PASD1: variants seen among roughly 807,000 people sequenced by gnomAD.
PASD1 encodes PAS domain containing repressor 1.
PASD1 carries 13 observed loss-of-function variants against 58.8 expected under a neutral mutation model. The ratio of observed to expected loss-of-function variants is 0.22; its 90% CI spans 0.14 to 0.35. The LOEUF (loss-of-function observed/expected upper bound fraction) is 0.35. Ranked by LOEUF, PASD1 falls within the 10% of genes least tolerant of loss-of-function variation. The pLI is 1.00. For missense variants in PASD1, 734 were observed against 568.3 expected, an observed-to-expected ratio of 1.29 and a Z score of -2.96; for synonymous variants, 236 against 216.7, an observed-to-expected ratio of 1.09 and a Z score of -0.78.
At chrX:151,624,213 G>A (rs2013755250) in intron 7 of PASD1, among the ~76,000 whole-genome samples, 1 of 111,297 alleles carries the variant, frequency 9.0e-6, no homozygotes, top group Non-Finnish European at 1.9e-5. Flanking sequence ...CCTTGCTGAT[G>A]AGTTAGAAGT....
In PASD1 at chrX:151,603,214, C is replaced by T. The variant is rs150497235; in HGVS notation, c.29-1432C>T. Among the ~76,000 whole-genome samples, 344 of 112,332 alleles carry T rather than the reference C, an allele frequency of 3.1e-3. 1 individual carries two copies. Among genetic ancestry groups the T allele is most frequent in the African/African-American group, 0.011 (328 of 30,931 alleles). On this transcript the variant is annotated intron_variant, in intron 2 of 15. Coordinates refer to ENST00000370357, the MANE Select transcript of PASD1 (RefSeq NM_173493.3). ...TAAACCTGTAAAGCAGAATATGACC[C>T]ATAGCAGGAGCTCTGTAAACATTCG...
At chrX:151,615,882 A>G (rs1300995246) in intron 4 of PASD1, among the ~76,000 whole-genome samples, 2 of 112,548 alleles carry the variant, frequency 1.8e-5, no homozygotes, top group Non-Finnish European at 3.8e-5. Flanking sequence ...ATGAATTAGT[A>G]TAAATAACGT....
intron 11 of PASD1, among the ~76,000 whole-genome samples, chrX:151,667,310 A>T (rs1456857873): frequency 9.0e-6 from 1 of 111,041 alleles, no homozygotes; most frequent in Non-Finnish European, 1.9e-5. Flanking sequence ...GATTGCAAAA[A>T]TTTTCTCCCA....
At chrX:151,651,467 G>T (rs1871854417) in intron 9 of PASD1, among the ~76,000 whole-genome samples, 1 of 111,817 alleles carries the variant, frequency 8.9e-6, no homozygotes, top group Admixed American at 9.5e-5. Flanking sequence ...CTGTCTTTGA[G>T]CATGAACCAA....
At chrX:151,567,685 T>C (rs2012867248) in intron 1 of PASD1, among the ~76,000 whole-genome samples, 2 of 111,924 alleles carry the variant, frequency 1.8e-5, no homozygotes, top group Admixed American at 9.5e-5. Context: ...AGTCAGTCTC[T>C]TAAAAGACGA....
intron 8 of PASD1, among the ~76,000 whole-genome samples, chrX:151,637,723 C>G (rs1289940180): frequency 9.0e-6 from 1 of 111,444 alleles, no homozygotes; most frequent in Non-Finnish European, 1.9e-5. Flanking sequence ...TGTCATTTTT[C>G]AAAATTTTAG....
intron 1 of PASD1, among the ~76,000 whole-genome samples, chrX:151,586,827 C>T (rs1046694584): frequency 9.0e-6 from 1 of 111,697 alleles, no homozygotes; most frequent in Non-Finnish European, 1.9e-5. Flanking sequence ...TGATTACTCT[C>T]TTGCCCCTTG....
At chrX:151,659,589 G>T in intron 9 of PASD1, 124 bp from the exon 10 acceptor site, 1 of 670,635 alleles carries the variant, frequency 1.5e-6, no homozygotes, top group Non-Finnish European at 2.2e-6. Flanking sequence ...TAGGTTTTCA[G>T]TTGATTGCAG....
chrX:151,663,747 CCA>C (rs2014338602), intron 10 of PASD1, among the ~76,000 whole-genome samples: 1 of 112,030 alleles, frequency 8.9e-6, no homozygotes, highest in African/African-American at 3.2e-5. Flanking sequence ...TCCCGAGGTC[CCA>C]CATTCTGGGC....
intron 4 of PASD1, among the ~76,000 whole-genome samples, chrX:151,616,921 C>G (rs1175963482): frequency 9.0e-6 from 1 of 111,247 alleles, no homozygotes; most frequent in Non-Finnish European, 1.9e-5. Flanking sequence ...GTGCCCTATA[C>G]AGTTGAATAG....
At chrX:151,625,100 T>C (rs1184663829) in intron 7 of PASD1, among the ~76,000 whole-genome samples, 1 of 112,295 alleles carries the variant, frequency 8.9e-6, no homozygotes, top group African/African-American at 3.2e-5. Context: ...AGGATGTTTG[T>C]TCCATATTAG....
chrX:151,594,505 A>T (rs1451019475), intron 1 of PASD1, among the ~76,000 whole-genome samples: 1 of 111,639 alleles, frequency 9.0e-6, no homozygotes, highest in Non-Finnish European at 1.9e-5. Flanking sequence ...AATTTATTAC[A>T]GTCTGCCATG....
At chrX:151,653,296 G>T (rs1445122311) in intron 9 of PASD1, among the ~76,000 whole-genome samples, 1 of 108,791 alleles carries the variant, frequency 9.2e-6, no homozygotes, top group Non-Finnish European at 1.9e-5. Flanking sequence ...AGGTTCAAGC[G>T]ATTCTCCAGC....
At chrX:151,641,842 G>A (rs769882657) in intron 8 of PASD1, among the ~76,000 whole-genome samples, 132 of 104,223 alleles carry the variant, frequency 1.3e-3, no homozygotes, top group South Asian at 5.0e-3. Flanking sequence ...ACACACACAC[G>A]CGCGCGCGCG....
intron 2 of PASD1, among the ~76,000 whole-genome samples, chrX:151,603,233 A>G (rs2013443023): frequency 8.9e-6 from 1 of 112,430 alleles, no homozygotes; most frequent in African/African-American, 3.2e-5. Context: ...AGCTCTGTAA[A>G]CATTCGTTAA....
chrX:151,629,462 C>T (rs186137050), intron 8 of PASD1, among the ~76,000 whole-genome samples: 9 of 111,469 alleles, frequency 8.1e-5, no homozygotes, highest in East Asian at 5.7e-4. Context: ...ATGTTTGGCT[C>T]CTAGGAGTGG....
At chrX:151,653,194 A>ATTTT (rs1262963505) in intron 9 of PASD1, among the ~76,000 whole-genome samples, 1 of 89,328 alleles carries the variant, frequency 1.1e-5, no homozygotes, top group East Asian at 3.2e-4. Context: ...ATATATATAT[A>ATTTT]TATTTTTTTT....
At chrX:151,579,152 G>A (rs934360527) in intron 1 of PASD1, among the ~76,000 whole-genome samples, 5 of 111,702 alleles carry the variant, frequency 4.5e-5, no homozygotes, top group Non-Finnish European at 9.4e-5. Flanking sequence ...GTATATGATT[G>A]GAATTCTGTT....
intron 9 of PASD1, among the ~76,000 whole-genome samples, chrX:151,653,778 CTTTCTTTCTTTCTTTCTTTCT>C (rs2014176018): frequency 7.2e-5 from 1 of 13,934 alleles, no homozygotes; most frequent in Non-Finnish European, 1.6e-4. Context: ...TTCTTTCTTT[CTTTCTTTCTTTCTTTCTTTCT>C]TTCCTTCCTT....
Sources: gnomAD v4.1 joint callset for allele counts (sites outside exome capture counted in the v4.1 genomes callset) on GRCh38, gnomAD v4.1.1 for gene constraint, MANE v1.5 for transcripts, NCBI Gene and HGNC (gene_info 2026-07-23, HGNC 2026-07-21) for gene names.